KCTD1: variants seen among roughly 807,000 people sequenced by gnomAD.
KCTD1 encodes BTB/POZ domain-containing protein KCTD1.
Under a neutral mutation model 66.0 loss-of-function variants are expected in KCTD1, and 24 were observed. That is an observed-to-expected ratio of 0.36 (90% CI 0.26 to 0.51). KCTD1 has a LOEUF of 0.51. Ranked by LOEUF, KCTD1 falls within the 20% of genes least tolerant of loss-of-function variation. The pLI, the probability that KCTD1 is intolerant of heterozygous loss-of-function variation, is 0.95. For synonymous variants in KCTD1, 511 were observed against 517.2 expected (o/e 0.99, Z 0.16); for missense variants, 943 against 1,205.2 (o/e 0.78, Z 3.22).
At position 26,455,494 on chromosome 18, in the gene KCTD1, TTTC is replaced by T. The variant is rs1980017205; in HGVS notation, c.*246_*248del. 1 of 217,226 alleles carries T rather than the reference TTTC, an allele frequency of 4.6e-6. No homozygotes were observed. Among genetic ancestry groups the T allele is most frequent in the South Asian group, 1.5e-4 (1 of 6,484 alleles). The allele number at this position is 217,226 out of a possible 1,614,324, so 13.5% of individuals were successfully genotyped here. Reference sequence around the variant, plus strand: ...AACTGCGGCTGTCACCTTTTTTTTTTTTCTTTTTTGCATTTCCTACCTTTTGAC... The same window carrying T: ...AACTGCGGCTGTCACCTTTTTTTTTTTTTTTTGCATTTCCTACCTTTTGAC... On this transcript the variant is annotated 3_prime_UTR_variant, in exon 5 of 5. Transcript: ENST00000580059.
At chr18:26,548,629 CG>C, upstream of KCTD1, 1 of 1,149,648 alleles carries the variant, frequency 8.7e-7, no homozygotes, top group Non-Finnish European at 1.1e-6. Context: ...CTTCAGCTAC[CG>C]GGAGGCAAAG....
In KCTD1 at chr18:26,548,474, GGCAGCGCTGGCGCT is replaced by G. The variant is rs1985385100; in HGVS notation, c.49_62del (p.Ser17ArgfsTer220). On this transcript the variant is annotated frameshift_variant, in exon 1 of 5. Coordinates refer to ENST00000580059, the MANE Select transcript of KCTD1 (RefSeq NM_001142730.3). LOFTEE classifies it high-confidence loss of function. Reference sequence around the variant, plus strand: ...CCCCATTGTTCTCGGCGGCGGCGGCGGCAGCGCTGGCGCTGCCGCCCGCGCTGGTGTTACAGTCC... The same window carrying G: ...CCCCATTGTTCTCGGCGGCGGCGGCGGCCGCCCGCGCTGGTGTTACAGTCC... 1.6e-6 allele frequency: 2 copies of G among 1,254,756 alleles called. No homozygotes were observed. Among genetic ancestry groups the G allele is most frequent in the Non-Finnish European group, 2.0e-6 (2 of 1,007,394 alleles). The allele number at this position is 1,254,756 out of a possible 1,614,324, so 77.7% of individuals were successfully genotyped here.
At chr18:26,599,678 T>G in intron 1 of KCTD1, 2 of 1,481,634 alleles carry the variant, frequency 1.3e-6, no homozygotes, top group Non-Finnish European at 1.9e-6. Context: ...GCCTGGTGGA[T>G]GTCTTTTTCT....
chr18:26,590,712 G>A (rs577501929), intron 1 of KCTD1, among the ~76,000 whole-genome samples: 9 of 152,152 alleles, frequency 5.9e-5, no homozygotes, highest in East Asian at 3.9e-4. Context: ...TATTGTTTAC[G>A]TTCCATTATG....
chr18:26,497,410 G>T (rs747009447), intron 2 of KCTD1, among the ~76,000 whole-genome samples: 2 of 152,014 alleles, frequency 1.3e-5, no homozygotes, highest in Non-Finnish European at 2.9e-5. Flanking sequence ...AAAACTAACT[G>T]GAGTTATTTG....
At chr18:26,557,758 CCT>C (rs1985741706) in intron 1 of KCTD1, among the ~76,000 whole-genome samples, 2 of 152,128 alleles carry the variant, frequency 1.3e-5, no homozygotes, top group Non-Finnish European at 2.9e-5. Context: ...AGTTGTGAAA[CCT>C]CTTCAGAAGA....
chr18:26,601,082 G>A (rs1480869998), intron 1 of KCTD1, among the ~76,000 whole-genome samples: 1 of 151,968 alleles, frequency 6.6e-6, no homozygotes, highest in Admixed American at 6.6e-5. Flanking sequence ...ACACAAATGG[G>A]GCTAGTCCTA....
chr18:26,531,301 G>A (rs1187765476), intron 1 of KCTD1, among the ~76,000 whole-genome samples: 1 of 151,866 alleles, frequency 6.6e-6, no homozygotes, highest in East Asian at 1.9e-4. Flanking sequence ...AGACCAGCCT[G>A]GGCAACATAG....
chr18:26,630,960 C>G (rs538899656), upstream of KCTD1, among the ~76,000 whole-genome samples: 5 of 152,024 alleles, frequency 3.3e-5, no homozygotes, highest in East Asian at 9.7e-4. Flanking sequence ...CTTCCATCTG[C>G]AACTGCGATC....
At position 26,455,517 on chromosome 18, in the gene KCTD1, T is replaced by G. The variant is rs1464592885; in HGVS notation, c.*226A>C. 4 of 252,624 alleles carry G rather than the reference T, an allele frequency of 1.6e-5. No individual in the cohort carries two copies. In the East Asian group the frequency reaches 3.2e-4, roughly 20 times the overall value. The allele number at this position is 252,624 out of a possible 1,614,324, so 15.6% of individuals were successfully genotyped here. A position where few individuals can be genotyped will look rare whatever the true frequency, so the allele number is the denominator to read the frequency against. Reference sequence around the variant, plus strand: ...TTTTTCTTTTTTGCATTTCCTACCTTTTGACATATATATATATATTTATAT... The same window carrying G: ...TTTTTCTTTTTTGCATTTCCTACCTGTTGACATATATATATATATTTATAT... On this transcript the variant is annotated 3_prime_UTR_variant, in exon 5 of 5. Transcript: ENST00000580059.
At chr18:26,614,501 A>G (rs2145000376) in intron 1 of KCTD1, among the ~76,000 whole-genome samples, 1 of 152,330 alleles carries the variant, frequency 6.6e-6, no homozygotes, top group East Asian at 1.9e-4. Context: ...GGATGGGCAG[A>G]GAGGAGAGGG....
chr18:26,514,259 G>A (rs566770725), intron 1 of KCTD1, among the ~76,000 whole-genome samples: 1 of 152,044 alleles, frequency 6.6e-6, no homozygotes, highest in Non-Finnish European at 1.5e-5. Context: ...TTAAAGGTGT[G>A]GGGGAGGAGA....
At chr18:26,527,243 G>T (rs953947799) in intron 1 of KCTD1, among the ~76,000 whole-genome samples, 1 of 152,098 alleles carries the variant, frequency 6.6e-6, no homozygotes, top group Admixed American at 6.5e-5. Context: ...TGCTGAAATG[G>T]GAACTACAGA....
upstream of KCTD1, chr18:26,548,556 T>G (rs1432720121): frequency 1.9e-5 from 23 of 1,219,646 alleles, no homozygotes; most frequent in Non-Finnish European, 2.2e-5. Context: ...TCTCTGCCAG[T>G]CCTCGGGCAG....
At chr18:26,599,336 G>A (rs1986837630) in intron 1 of KCTD1, 4 of 1,411,100 alleles carry the variant, frequency 2.8e-6, no homozygotes, top group East Asian at 2.3e-5. Flanking sequence ...AGCCGGGAGC[G>A]AGCCCAGGTG....
chr18:26,566,496 G>A (rs1006555055), intron 1 of KCTD1: 1 of 152,274 alleles, frequency 6.6e-6, no homozygotes, highest in African/African-American at 2.4e-5. Context: ...ACCAGGCTCT[G>A]AGTTGGTTAA....
At chr18:26,499,682 C>CTTATGTTTTATG (rs2144675702) in intron 2 of KCTD1, among the ~76,000 whole-genome samples, 1 of 152,288 alleles carries the variant, frequency 6.6e-6, no homozygotes, top group South Asian at 2.1e-4. Context: ...GTGACAGTGA[C>CTTATGTTTTATG]TTTTATGTCA....
intron 1 of KCTD1, among the ~76,000 whole-genome samples, chr18:26,645,951 G>C (rs1987920353): frequency 6.6e-6 from 1 of 152,200 alleles, no homozygotes; most frequent in African/African-American, 2.4e-5. Flanking sequence ...GACTGAGCTA[G>C]AAAATACTTT....
intron 2 of KCTD1, among the ~76,000 whole-genome samples, chr18:26,496,763 C>CAT (rs1982496849): frequency 6.6e-6 from 1 of 151,884 alleles, no homozygotes; most frequent in South Asian, 2.1e-4. Context: ...CACACACACA[C>CAT]ACACGCATTG....
Sources: gnomAD v4.1 joint callset for allele counts (sites outside exome capture counted in the v4.1 genomes callset) on GRCh38, gnomAD v4.1.1 for gene constraint, MANE v1.5 for transcripts, NCBI Gene and HGNC (gene_info 2026-07-23, HGNC 2026-07-21) for gene names.